KIRREL3: variants seen among roughly 807,000 people sequenced by gnomAD.
KIRREL3 encodes kirre like nephrin family adhesion molecule 3, also known as kin of IRRE-like protein 3.
Under a neutral mutation model 89.7 loss-of-function variants are expected in KIRREL3, and 36 were observed. The observed-to-expected ratio is 0.40, with a 90% CI of 0.31 to 0.53. The LOEUF (loss-of-function observed/expected upper bound fraction) is 0.53, where lower values mean the gene tolerates loss of function less well. KIRREL3 is among the 20% of genes least tolerant of loss of function. The pLI, the probability that KIRREL3 is intolerant of heterozygous loss-of-function variation, is 0.49. For synonymous variants in KIRREL3, 445 were observed against 441.4 expected, an observed-to-expected ratio of 1.01 and a Z score of -0.10; for missense variants, 864 against 1,056.6, an observed-to-expected ratio of 0.82 and a Z score of 2.53.
intron 1 of KIRREL3, among the ~76,000 whole-genome samples, chr11:126,777,689 A>G (rs1950208452): frequency 1.3e-5 from 2 of 152,234 alleles, no homozygotes; most frequent in African/African-American, 2.4e-5. Context: ...GAACACATAA[A>G]ACCACGTAGA....
chr11:126,493,054 T>C (rs892941146), intron 4 of KIRREL3, among the ~76,000 whole-genome samples: 3 of 152,152 alleles, frequency 2.0e-5, no homozygotes, highest in Non-Finnish European at 2.9e-5. Flanking sequence ...CCTGCAGGGA[T>C]TGACGTGGAG....
chr11:126,711,822 C>T (rs993927097), intron 1 of KIRREL3, among the ~76,000 whole-genome samples: 1 of 152,184 alleles, frequency 6.6e-6, no homozygotes, highest in African/African-American at 2.4e-5. Context: ...AGCCACAGAG[C>T]CTCCCCTCCC....
chr11:126,930,460 C>A, intron 1 of KIRREL3, among the ~76,000 whole-genome samples: 1 of 152,216 alleles, frequency 6.6e-6, no homozygotes, highest in Non-Finnish European at 1.5e-5. Flanking sequence ...TCTCACTGCC[C>A]TACTGCGGAG....
At position 126,923,176 on chromosome 11, in the gene KIRREL3, C is replaced by CTTCTTCTTCTTCTTCTTCTTCTCT. The variant is rs766266024; in HGVS notation, c.55+77278_55+77279insAGAGAAGAAGAAGAAGAAGAAGAA. 4.4e-4 allele frequency among the ~76,000 whole-genome samples: 8 copies of CTTCTTCTTCTTCTTCTTCTTCTCT among 17,994 alleles called. 2 individuals are homozygous for CTTCTTCTTCTTCTTCTTCTTCTCT. The highest frequency in any genetic ancestry group is 1.9e-3 in the African/African-American group (8 of 4,260). The allele number at this position is 17,994 out of a possible 152,430, so 11.8% of individuals were successfully genotyped here. ...TCTTCTTCTTCTTCTTCTTCTTCTT[C>CTTCTTCTTCTTCTTCTTCTTCTCT]TCTTCTTCTTCTCTTCTTCTTCTTC... On this transcript the variant is annotated intron_variant, in intron 1 of 16. Coordinates refer to ENST00000525144, the MANE Select transcript of KIRREL3 (RefSeq NM_032531.4).
intron 4 of KIRREL3, among the ~76,000 whole-genome samples, chr11:126,493,004 A>G (rs1418534658): frequency 6.6e-6 from 1 of 152,218 alleles, no homozygotes; most frequent in Non-Finnish European, 1.5e-5. Flanking sequence ...GCTAACTGAC[A>G]GGGGGCAGGA....
At chr11:126,821,893 A>T (rs2134455680) in intron 1 of KIRREL3, among the ~76,000 whole-genome samples, 2 of 152,264 alleles carry the variant, frequency 1.3e-5, no homozygotes, top group East Asian at 3.9e-4. Flanking sequence ...ATGGAAGCAA[A>T]TTCTCCCTAG....
At position 126,430,917 on chromosome 11, in the gene KIRREL3, A is replaced by G; in HGVS notation, c.1696+502T>C. 1.0e-6 allele frequency: 1 copy of G among 956,458 alleles called. No homozygotes were observed. The highest frequency in any genetic ancestry group is 4.6e-5 in the South Asian group (1 of 21,846). The allele number at this position is 956,458 out of a possible 1,614,324, so 59.2% of individuals were successfully genotyped here. A position where few individuals can be genotyped will look rare whatever the true frequency, so the allele number is the denominator to read the frequency against. ...AAGCGTGCACAAACACTAGAATTTT[A>G]TTGGTAATCACTGAAGACCTTTAAA... On this transcript the variant is annotated intron_variant, in intron 14 of 16. Coordinates refer to ENST00000525144, the MANE Select transcript of KIRREL3 (RefSeq NM_032531.4). This position sits in a 1 kb window ranked among gnomAD's most constrained non-coding sequence, Gnocchi z 6.6.
chr11:126,900,306 T>C lies in KIRREL3; in HGVS notation c.55+100149A>G, dbSNP rs1946324616. On this transcript the variant is annotated intron_variant, in intron 1 of 16. Transcript: ENST00000525144. This position sits in a 1 kb window ranked among gnomAD's most constrained non-coding sequence, Gnocchi z 4.4. Reference sequence around the variant, plus strand: ...ATGATCAGAGGAAAAGTGATTCAGATGGGGTTTAGAACTACTCAGAGTCTT... The same window carrying C: ...ATGATCAGAGGAAAAGTGATTCAGACGGGGTTTAGAACTACTCAGAGTCTT... Among the ~76,000 whole-genome samples, 1 of 152,180 alleles carries C rather than the reference T, an allele frequency of 6.6e-6. No individual in the cohort carries two copies. Among genetic ancestry groups the C allele is most frequent in the South Asian group, 2.1e-4 (1 of 4,822 alleles).
chr11:126,929,952 C>G lies in KIRREL3; in HGVS notation c.55+70503G>C, dbSNP rs999873778. Among the ~76,000 whole-genome samples the G allele has an allele frequency of 2.0e-4, 29 of 142,046 alleles. 1 individual carries two copies. Among genetic ancestry groups the G allele is most frequent in the East Asian group, 5.1e-4 (2 of 3,940 alleles). 93.2% of individuals were successfully genotyped at this position (142,046 alleles called of 152,430 possible). ...TCAGAGGGCTGTGGGGGAGCCACCC[C>G]CCCCCCCCCACCTCACCGATTCCCA... On this transcript the variant is annotated intron_variant, in intron 1 of 16. Transcript: ENST00000525144.
At chr11:126,483,485 C>A (rs907229854) in intron 4 of KIRREL3, among the ~76,000 whole-genome samples, 1 of 152,188 alleles carries the variant, frequency 6.6e-6, no homozygotes, top group Non-Finnish European at 1.5e-5. Context: ...ACCCAGTAGT[C>A]CCCTGCTGTT....
rs756972667 is a variant in KIRREL3 at position 126,531,243 on chromosome 11, G to A, written c.134-4556C>T. Among the ~76,000 whole-genome samples, 3 of 152,054 alleles carry A rather than the reference G, an allele frequency of 2.0e-5. No homozygotes were observed. Among genetic ancestry groups the A allele is most frequent in the Non-Finnish European group, 4.4e-5 (3 of 68,024 alleles). On this transcript the variant is annotated intron_variant, in intron 2 of 16. Coordinates refer to ENST00000525144, the MANE Select transcript of KIRREL3 (RefSeq NM_032531.4). The surrounding 1 kb of genome is among the most constrained non-coding windows in gnomAD (Gnocchi z 4.7). ...TGCTAGCACCCAAGTTCAAGCTCTC[G>A]TTGCCTCAACCTGGGCTCTTGCCAC...
intron 6 of KIRREL3, among the ~76,000 whole-genome samples, chr11:126,457,392 TG>T (rs1484980841): frequency 3.1e-4 from 47 of 151,882 alleles, no homozygotes; most frequent in South Asian, 1.0e-3. Flanking sequence ...TATGCGTGTG[TG>T]TGTATGTGTG....
chr11:126,944,298 G>A (rs1948552739), intron 1 of KIRREL3: 1 of 152,184 alleles, frequency 6.6e-6, no homozygotes, highest in Admixed American at 6.5e-5. Flanking sequence ...CCATACGTGT[G>A]TGTTTTTCTC....
chr11:126,507,539 A>C (rs891543257), intron 4 of KIRREL3, among the ~76,000 whole-genome samples: 2 of 152,144 alleles, frequency 1.3e-5, no homozygotes, highest in African/African-American at 4.8e-5. Context: ...TTTTTCGTCT[A>C]ACTCCCTCCG....
chr11:126,616,814 A>AT (rs1044585457), intron 1 of KIRREL3, among the ~76,000 whole-genome samples: 3 of 151,740 alleles, frequency 2.0e-5, no homozygotes, highest in South Asian at 2.1e-4. Context: ...GCTATTTTTA[A>AT]TTTTTTTTGC....
rs1437395846 is a variant in KIRREL3, at chr11:126,652,113, C to G, written c.56-89201G>C. 6.6e-6 allele frequency among the ~76,000 whole-genome samples: 1 copy of G among 152,176 alleles called. No homozygotes were observed. Among genetic ancestry groups the G allele is most frequent in the African/African-American group, 2.4e-5 (1 of 41,424 alleles). ...GAAGATAGGCACTAGTAGGTCTGAT[C>G]TGTCTGGAGGATTCCTTTAAAAAAA... On this transcript the variant is annotated intron_variant, in intron 1 of 16. Coordinates refer to ENST00000525144, the MANE Select transcript of KIRREL3 (RefSeq NM_032531.4). The surrounding 1 kb of genome is among the most constrained non-coding windows in gnomAD (Gnocchi z 4.9).
chr11:126,549,938 C>T (rs1939126522), intron 2 of KIRREL3: 1 of 152,238 alleles, frequency 6.6e-6, no homozygotes, highest in Non-Finnish European at 1.5e-5. Context: ...AAACATCTCA[C>T]AGGGCTTATT....
At chr11:126,488,989 TCCTTTCCTTTCCTGACTTGTGGACA>T (rs1263083659) in intron 4 of KIRREL3, among the ~76,000 whole-genome samples, 1 of 152,248 alleles carries the variant, frequency 6.6e-6, no homozygotes, top group East Asian at 1.9e-4. Flanking sequence ...AGACTGCGCT[TCCTTTCCTTTCCTGACTTGTGGACA>T]CCTACACGAT....
intron 1 of KIRREL3, among the ~76,000 whole-genome samples, chr11:126,958,536 T>A (rs529482549): frequency 6.6e-6 from 1 of 152,338 alleles, no homozygotes; most frequent in East Asian, 1.9e-4. Context: ...GTGTGTTCAC[T>A]CACTCTTTCA....
Sources: allele counts gnomAD v4.1 joint callset (sites outside exome capture counted in the v4.1 genomes callset), GRCh38; gene constraint gnomAD v4.1.1; non-coding constraint Gnocchi (gnomAD v3.1); transcripts MANE v1.5; gene names NCBI Gene and HGNC (gene_info 2026-07-23, HGNC 2026-07-21).